The following RBFOX3 variants were observed in gnomAD, a reference collection of about 807,000 sequenced individuals.
The protein encoded by RBFOX3 is RNA binding fox-1 homolog 3, also known as RNA binding protein fox-1 homolog 3.
In RBFOX3, 17 loss-of-function variants were observed where a neutral mutation model predicts 48.7. The ratio of observed to expected loss-of-function variants is 0.35; its 90% CI spans 0.24 to 0.52. The LOEUF (loss-of-function observed/expected upper bound fraction) is 0.52, where lower values mean the gene tolerates loss of function less well. RBFOX3 is among the 20% of genes least tolerant of loss of function. RBFOX3 has a pLI of 0.94. For missense variants in RBFOX3, 382 were observed against 497.5 expected, an observed-to-expected ratio of 0.77 and a Z score of 2.21; for synonymous variants, 212 against 209.5, an observed-to-expected ratio of 1.01 and a Z score of -0.10.
chr17:79,232,020 C>CA (rs1335721830), intron 4 of RBFOX3, among the ~76,000 whole-genome samples: 2 of 152,180 alleles, frequency 1.3e-5, no homozygotes, highest in Non-Finnish European at 2.9e-5. Flanking sequence ...CGGCAGGAGA[C>CA]AGAATGAGCG....
chr17:79,465,793 C>T (rs1466108874), intron 2 of RBFOX3, among the ~76,000 whole-genome samples: 1 of 152,190 alleles, frequency 6.6e-6, no homozygotes, highest in African/African-American at 2.4e-5. Context: ...GCCTCTCATC[C>T]GCCCAGCAGG....
chr17:79,571,538 T>G (rs2092679448), intron 1 of RBFOX3, among the ~76,000 whole-genome samples: 1 of 107,342 alleles, frequency 9.3e-6, no homozygotes, highest in Admixed American at 1.3e-4. Flanking sequence ...CCCCAACCAC[T>G]CTCTTCCATC....
intron 2 of RBFOX3, among the ~76,000 whole-genome samples, chr17:79,333,631 G>A (rs1332775445): frequency 6.6e-6 from 1 of 152,198 alleles, no homozygotes; most frequent in Admixed American, 6.5e-5. Flanking sequence ...TGCAGGAGAG[G>A]AAAGTCCTGG....
At chr17:79,099,680 T>C (rs773319361) in intron 9 of RBFOX3, 2 of 152,248 alleles carry the variant, frequency 1.3e-5, no homozygotes, top group Non-Finnish European at 2.9e-5. Context: ...GATTCTGGCT[T>C]CCTGGGTGCC....
intron 9 of RBFOX3, chr17:79,098,034 G>A (rs984486081): frequency 1.2e-4 from 53 of 428,464 alleles, no homozygotes; most frequent in Admixed American, 2.1e-4. Flanking sequence ...GTCATCCCCC[G>A]AAGCCTGGGG....
intron 5 of RBFOX3, among the ~76,000 whole-genome samples, chr17:79,112,961 G>T (rs2032546861): frequency 6.7e-6 from 1 of 149,900 alleles, no homozygotes; most frequent in Non-Finnish European, 1.5e-5. Flanking sequence ...AGAGACCAGG[G>T]TACTTGGTGG....
chr17:79,248,145 A>T (rs2063430162), intron 3 of RBFOX3, among the ~76,000 whole-genome samples: 1 of 152,162 alleles, frequency 6.6e-6, no homozygotes, highest in Non-Finnish European at 1.5e-5. Flanking sequence ...GGGGCACAGG[A>T]GAGGGAGGGA....
intron 1 of RBFOX3, among the ~76,000 whole-genome samples, chr17:79,517,688 G>A (rs1479720043): frequency 6.6e-6 from 1 of 152,106 alleles, no homozygotes; most frequent in East Asian, 1.9e-4. Context: ...CTCACCCACA[G>A]CTTCAAAGAG....
At chr17:79,548,712 C>A (rs1381687634) in intron 1 of RBFOX3, among the ~76,000 whole-genome samples, 1 of 152,204 alleles carries the variant, frequency 6.6e-6, no homozygotes, top group Non-Finnish European at 1.5e-5. Flanking sequence ...GAACAGCCTG[C>A]TACCATCTCT....
intron 4 of RBFOX3, among the ~76,000 whole-genome samples, chr17:79,130,933 A>T (rs1179151284): frequency 6.6e-6 from 1 of 152,264 alleles, no homozygotes; most frequent in Non-Finnish European, 1.5e-5. Context: ...GGTGCGCGGG[A>T]ATCAGCCCCG....
At chr17:79,555,745 G>C (rs2091689592) in intron 1 of RBFOX3, among the ~76,000 whole-genome samples, 1 of 151,890 alleles carries the variant, frequency 6.6e-6, no homozygotes, top group African/African-American at 2.4e-5. Flanking sequence ...GATTATGATA[G>C]TAGTGGTGGT....
rs552754087 is a variant in RBFOX3, at chr17:79,103,915, G to A, written c.414+158C>T. Among the ~76,000 whole-genome samples, 2 of 151,596 alleles carry A rather than the reference G, an allele frequency of 1.3e-5. No individual in the cohort carries two copies. The highest frequency in any genetic ancestry group is 4.2e-4 in the South Asian group (2 of 4,784). On this transcript the variant is annotated intron_variant, in intron 7 of 14. Coordinates refer to ENST00000693108, the MANE Select transcript of RBFOX3 (RefSeq NM_001350451.2). The surrounding 1 kb of genome is among the most constrained non-coding windows in gnomAD (Gnocchi z 6.1). ...CAACACAGACAGCTGGGGTGGGGGC[G>A]GGGCGGGTGGGGGCGGAAGAGCGGG...
intron 4 of RBFOX3, chr17:79,135,139 T>A (rs2039887279): frequency 6.6e-6 from 1 of 152,274 alleles, no homozygotes; most frequent in Admixed American, 6.5e-5. Flanking sequence ...GCAGGTGCTC[T>A]CTGCTTCACC....
intron 4 of RBFOX3, among the ~76,000 whole-genome samples, chr17:79,218,557 C>G (rs1044205988): frequency 9.2e-5 from 14 of 152,240 alleles, no homozygotes; most frequent in African/African-American, 3.4e-4. Flanking sequence ...GGGAGGAAGA[C>G]CCCCAGAGGA....
chr17:79,591,627 C>A (rs1221313668), intron 1 of RBFOX3, among the ~76,000 whole-genome samples: 3 of 152,198 alleles, frequency 2.0e-5, no homozygotes, highest in African/African-American at 7.2e-5. Context: ...AATTCAGCCC[C>A]AAACAGTATC....
rs140089398 is a variant in RBFOX3, at chr17:79,351,798, C to T, written c.-174-43974G>A. ...TCTGTTGGTTGCTTTTCCACTTTCT[C>T]GATAGTGTCCTCTGATACCTCAGGT... On this transcript the variant is annotated intron_variant, in intron 2 of 14. Coordinates refer to ENST00000693108, the MANE Select transcript of RBFOX3 (RefSeq NM_001350451.2). Among the ~76,000 whole-genome samples the T allele has an allele frequency of 3.5e-3, 531 of 152,276 alleles. 2 individuals carry two copies. Among genetic ancestry groups the T allele is most frequent in the African/African-American group, 0.012 (497 of 41,550 alleles).
At chr17:79,578,145 T>C (rs1041199136) in intron 1 of RBFOX3, among the ~76,000 whole-genome samples, 8 of 152,170 alleles carry the variant, frequency 5.3e-5, no homozygotes, top group Non-Finnish European at 7.4e-5. Flanking sequence ...GGCCCAAATT[T>C]GTCCAACAGC....
At chr17:79,188,653 G>A (rs1457820592) in intron 4 of RBFOX3, among the ~76,000 whole-genome samples, 1 of 152,158 alleles carries the variant, frequency 6.6e-6, no homozygotes, top group Non-Finnish European at 1.5e-5. Flanking sequence ...GGGGCTGTGG[G>A]TGCCGCTCAC....
the RBFOX3 span, among the ~76,000 whole-genome samples, chr17:79,619,915 C>T: frequency 2.6e-5 from 4 of 152,296 alleles, no homozygotes; most frequent in South Asian, 6.2e-4. Context: ...TCTGGAGTAA[C>T]GAAAAATAAC....
Sources: gnomAD v4.1 joint callset for allele counts (sites outside exome capture counted in the v4.1 genomes callset) on GRCh38, gnomAD v4.1.1 for gene constraint, Gnocchi (gnomAD v3.1) non-coding constraint, MANE v1.5 for transcripts, NCBI Gene and HGNC (gene_info 2026-07-23, HGNC 2026-07-21) for gene names.